The following GRIA1 variants were observed in gnomAD, a reference collection of about 807,000 sequenced individuals.
GRIA1 encodes glutamate receptor 1.
In GRIA1, 31 loss-of-function variants were observed where a neutral mutation model predicts 99.2. The ratio of observed to expected loss-of-function variants is 0.31; its 90% CI spans 0.23 to 0.42. The LOEUF (loss-of-function observed/expected upper bound fraction) is 0.42. Ranked by LOEUF, GRIA1 falls within the 10% of genes least tolerant of loss-of-function variation. GRIA1 has a pLI of 1.00. For synonymous variants in GRIA1, 438 were observed against 432.4 expected, an observed-to-expected ratio of 1.01 and a Z score of -0.16; for missense variants, 782 against 1,157.5, an observed-to-expected ratio of 0.68 and a Z score of 4.71.
chr5:153,696,855 G>GGTGTGTGTGT (rs1218399677), intron 8 of GRIA1, among the ~76,000 whole-genome samples: 13,178 of 111,298 alleles, frequency 0.12, 707 homozygotes, highest in Non-Finnish European at 0.14. Context: ...ATAGCTTTAG[G>GGTGTGTGTGT]GTGTGTATGT....
intron 2 of GRIA1, among the ~76,000 whole-genome samples, chr5:153,495,371 G>A (rs1357049129): frequency 6.6e-6 from 1 of 152,108 alleles, no homozygotes; most frequent in Admixed American, 6.6e-5. Flanking sequence ...GAAAACTGAG[G>A]CTACAACAGA....
intron 1 of GRIA1, 178 bp downstream of exon 1, chr5:153,491,148 C>A: frequency 1.0e-6 from 1 of 972,122 alleles, no homozygotes; most frequent in Non-Finnish European, 1.5e-6. Flanking sequence ...TTCTCCTGAT[C>A]GGATGAGGGG....
At chr5:153,783,553 T>A (rs1764775538) in intron 13 of GRIA1, among the ~76,000 whole-genome samples, 1 of 152,200 alleles carries the variant, frequency 6.6e-6, no homozygotes, top group Non-Finnish European at 1.5e-5. Context: ...CCTATCCAGG[T>A]CTCTGGGCTG....
At chr5:153,655,579 TTAG>T (rs1464837236) in intron 4 of GRIA1, among the ~76,000 whole-genome samples, 2 of 152,124 alleles carry the variant, frequency 1.3e-5, no homozygotes, top group Non-Finnish European at 2.9e-5. Context: ...TATCTGCCAC[TTAG>T]TAGCTGTAAG....
intron 11 of GRIA1, among the ~76,000 whole-genome samples, chr5:153,720,666 G>T (rs944296580): frequency 5.9e-5 from 9 of 152,196 alleles, no homozygotes; most frequent in Non-Finnish European, 8.8e-5. Context: ...AGGCTGTGTA[G>T]AGAGCCTGGC....
chr5:153,772,392 C>T (rs1763939737), intron 13 of GRIA1, among the ~76,000 whole-genome samples: 2 of 150,988 alleles, frequency 1.3e-5, no homozygotes, highest in South Asian at 4.2e-4. Flanking sequence ...ATTGCACAGT[C>T]GATTAACCAA....
At chr5:153,726,821 G>A (rs1163038273) in intron 11 of GRIA1, among the ~76,000 whole-genome samples, 1 of 152,188 alleles carries the variant, frequency 6.6e-6, no homozygotes, top group African/African-American at 2.4e-5. Flanking sequence ...GGAGGAATTG[G>A]TACCATTCCT....
chr5:153,577,186 A>C (rs974839189), intron 2 of GRIA1, among the ~76,000 whole-genome samples: 1 of 146,446 alleles, frequency 6.8e-6, no homozygotes, highest in African/African-American at 2.5e-5. Context: ...GGATGGATGG[A>C]TGGATGGATG....
chr5:153,777,290 C>T lies in GRIA1; in HGVS notation c.2270+6875C>T, dbSNP rs143492921. Among the ~76,000 whole-genome samples the T allele has an allele frequency of 6.1e-3, 920 of 151,988 alleles. 10 individuals carry two copies. Among genetic ancestry groups the T allele is most frequent in the African/African-American group, 0.021 (879 of 41,438 alleles). On this transcript the variant is annotated intron_variant, in intron 13 of 15. Transcript: ENST00000285900. ...AGGAGGCAGAACATGAGGAGGAGGC[C>T]CTGAAGGAATAGGGGGATGAATATG...
intron 2 of GRIA1, among the ~76,000 whole-genome samples, chr5:153,495,043 T>A (rs2113197538): frequency 6.6e-6 from 1 of 152,296 alleles, no homozygotes; most frequent in Admixed American, 6.5e-5. Context: ...ACTGGTGAGT[T>A]CTCAATGATT....
intron 2 of GRIA1, among the ~76,000 whole-genome samples, chr5:153,641,786 G>A (rs1354922452): frequency 6.6e-6 from 1 of 152,148 alleles, no homozygotes; most frequent in Admixed American, 6.5e-5. Context: ...TTTCTTTGAG[G>A]TCCCCAAAGG....
Position 153,698,958 on chromosome 5 carries a change from T to C in GRIA1, c.1337T>C (p.Ile446Thr). ...TACTGTGTAGAGCTGGCGGCAGAGA[T>C]TGCCAAGCACGTGGGCTACTCCTAC... Reference protein sequence around the residue: ...EGYCVELAAEIAKHVGYSYRL... With the variant: ...EGYCVELAAETAKHVGYSYRL... The change falls in exon 10 of 16, where the codon ATT becomes ACT. Residue 446 changes from isoleucine to threonine, a missense_variant. Ile to Thr is a moderately conservative substitution (Grantham distance 89, BLOSUM62 -1). Transcript: ENST00000285900. 6.2e-7 allele frequency: 1 copy of C among 1,612,574 alleles called. No homozygotes were observed. The highest frequency in any genetic ancestry group is 8.5e-7 in the Non-Finnish European group (1 of 1,179,292).
intron 12 of GRIA1, among the ~76,000 whole-genome samples, chr5:153,767,189 C>T (rs972486598): frequency 6.6e-6 from 1 of 152,230 alleles, no homozygotes; most frequent in Admixed American, 6.5e-5. Context: ...GCACTACTTA[C>T]AGAATGCCTT....
intron 2 of GRIA1, among the ~76,000 whole-genome samples, chr5:153,646,284 A>G (rs528510570): frequency 1.9e-5 from 2 of 104,070 alleles, no homozygotes; most frequent in Non-Finnish European, 2.3e-5. Context: ...GAACACTGAG[A>G]GTTAAGGGCT....
intron 2 of GRIA1, among the ~76,000 whole-genome samples, chr5:153,545,176 G>A (rs556584689): frequency 3.9e-5 from 6 of 152,268 alleles, no homozygotes; most frequent in African/African-American, 1.4e-4. Context: ...AAACGGAAAG[G>A]CATTCATTTT....
intron 5 of GRIA1, among the ~76,000 whole-genome samples, chr5:153,658,807 C>A (rs1024685086): frequency 2.6e-5 from 4 of 152,098 alleles, no homozygotes; most frequent in Non-Finnish European, 5.9e-5. Flanking sequence ...CTGTCCCTGT[C>A]GGAATGCATG....
chr5:153,566,844 G>A (rs1761685664), intron 2 of GRIA1, among the ~76,000 whole-genome samples: 1 of 150,156 alleles, frequency 6.7e-6, no homozygotes, highest in Non-Finnish European at 1.5e-5. Flanking sequence ...AGCCTCCTGA[G>A]TAGCTGGGAT....
At chr5:153,613,061 C>A (rs1338801857) in intron 2 of GRIA1, among the ~76,000 whole-genome samples, 2 of 152,216 alleles carry the variant, frequency 1.3e-5, no homozygotes, top group African/African-American at 4.8e-5. Flanking sequence ...AGGCTGGAAC[C>A]AATTGGTATT....
chr5:153,652,178 C>A (rs950938506), intron 4 of GRIA1, among the ~76,000 whole-genome samples: 2 of 152,038 alleles, frequency 1.3e-5, no homozygotes, highest in South Asian at 2.1e-4. Flanking sequence ...TAAGTGAATC[C>A]ATCTGTAAAA....
Sources: gnomAD v4.1 joint callset for allele counts (sites outside exome capture counted in the v4.1 genomes callset) on GRCh38, gnomAD v4.1.1 for gene constraint, MANE v1.5 for transcripts, NCBI Gene and HGNC (gene_info 2026-07-23, HGNC 2026-07-21) for gene names.